The following STK24 variants were observed in gnomAD, a reference collection of about 807,000 sequenced individuals.
The protein encoded by STK24 is serine/threonine-protein kinase 24.
STK24 carries 21 observed loss-of-function variants against 55.6 expected under a neutral mutation model. The observed-to-expected ratio is 0.38, with a 90% CI of 0.27 to 0.54. The LOEUF (loss-of-function observed/expected upper bound fraction) is 0.54, where lower values mean the gene tolerates loss of function less well. Ranked by LOEUF, STK24 falls within the 20% of genes least tolerant of loss-of-function variation. The probability of loss-of-function intolerance (pLI) is 0.79; values close to 1 mark genes in which losing one functional copy is unlikely to be tolerated. For synonymous variants in STK24, 200 were observed against 215.2 expected (o/e 0.93, Z 0.62); for missense variants, 383 against 538.4 (o/e 0.71, Z 2.86).
rs1165167903 is a variant in STK24 at position 98,576,733 on chromosome 13, G to A, written c.42+12C>T. ...GTCGCGCATCCCGGCCCCGCGGCCC[G>A]CGCCCGCCTACCTGCATGCCGGGCA... On this transcript the variant is annotated intron_variant, in intron 1 of 10. Coordinates refer to ENST00000539966, the MANE Select transcript of STK24 (RefSeq NM_001032296.4). 3.0e-5 allele frequency: 44 copies of A among 1,458,450 alleles called. No individual in the cohort carries two copies. The highest frequency in any genetic ancestry group is 4.7e-4 in the Middle Eastern group (2 of 4,284). The allele number at this position is 1,458,450 out of a possible 1,614,324, so 90.3% of individuals were successfully genotyped here.
In STK24 at chr13:98,474,989, A is replaced by C; in HGVS notation, c.440-11T>G. On this transcript the variant is annotated splice_polypyrimidine_tract_variant and intron_variant, in intron 4 of 10. Transcript: ENST00000539966. ...GCAGGACGTTGGCCGCTGCAAAAGA[A>C]AGCCAAGGCGGCCCTGGGCGGTGCG... The C allele has an allele frequency of 2.5e-6, 4 of 1,605,886 alleles. No individual in the cohort carries two copies. The highest frequency in any genetic ancestry group is 3.4e-6 in the Non-Finnish European group (4 of 1,176,172).
In STK24 at chr13:98,446,069, T is replaced by C; in HGVS notation, c.*7104A>G. On this transcript the variant is annotated 3_prime_UTR_variant, in exon 11 of 11. Coordinates refer to ENST00000539966, the MANE Select transcript of STK24 (RefSeq NM_001032296.4). ...GCCCTCCTGGGGCAGGTGCCCGCTG[T>C]GCTTCTCACAGGCCTCCTTGCCTTT... 4 of 1,506,076 alleles carry C rather than the reference T, an allele frequency of 2.7e-6. No homozygotes were observed. Among genetic ancestry groups the C allele is most frequent in the Non-Finnish European group, 3.7e-6 (4 of 1,081,920 alleles). The allele number at this position is 1,506,076 out of a possible 1,614,324, so 93.3% of individuals were successfully genotyped here. A position where few individuals can be genotyped will look rare whatever the true frequency, so the allele number is the denominator to read the frequency against.
intron 1 of STK24, among the ~76,000 whole-genome samples, chr13:98,557,374 T>C (rs1225230827): frequency 1.3e-5 from 2 of 152,240 alleles, no homozygotes. Flanking sequence ...TCTTCCATGC[T>C]AGTCATCAGC....
rs146044806 is a variant in STK24, at chr13:98,452,720, G to A, written c.*453C>T. 1.0e-3 allele frequency: 160 copies of A among 156,366 alleles called. 1 individual carries two copies. The Middle Eastern group carries it at 0.023, about 23-fold the overall frequency. The allele number at this position is 156,366 out of a possible 1,614,324, so 9.7% of individuals were successfully genotyped here. ...CCTTATGCACGCCGAAAGGGTTTCC[G>A]TAAAAATGACATTATATACAAATCT... On this transcript the variant is annotated 3_prime_UTR_variant, in exon 11 of 11. Coordinates refer to ENST00000539966, the MANE Select transcript of STK24 (RefSeq NM_001032296.4).
At chr13:98,576,641 G>A in intron 1 of STK24, 104 bp downstream of exon 1, 1 of 1,021,806 alleles carries the variant, frequency 9.8e-7, no homozygotes, top group Non-Finnish European at 1.3e-6. Flanking sequence ...AGGCTCCGGC[G>A]CGACCCCGGC....
chr13:98,455,490 C>G (rs1226514456), intron 10 of STK24: 2 of 152,270 alleles, frequency 1.3e-5, no homozygotes, highest in Non-Finnish European at 2.9e-5. Flanking sequence ...ATCCTCCTGC[C>G]TGGGCCTCCC....
chr13:98,507,756 GTCTCCAGA>G (rs1431216956), intron 2 of STK24, among the ~76,000 whole-genome samples: 1 of 152,194 alleles, frequency 6.6e-6, no homozygotes, highest in African/African-American at 2.4e-5. Flanking sequence ...AGGTCTCCAG[GTCTCCAGA>G]TCTCCAGAGC....
chr13:98,552,242 A>T (rs1566401418), intron 1 of STK24, among the ~76,000 whole-genome samples: 2 of 152,192 alleles, frequency 1.3e-5, no homozygotes, highest in African/African-American at 2.4e-5. Flanking sequence ...AGGGAGAGGC[A>T]CTATGGGGTA....
intron 1 of STK24, among the ~76,000 whole-genome samples, chr13:98,572,224 C>A (rs1305704860): frequency 6.6e-6 from 1 of 152,160 alleles, no homozygotes; most frequent in African/African-American, 2.4e-5. Context: ...TCCAACGACT[C>A]CGGGCACTAT....
rs191397731 is a variant in STK24 at position 98,559,218 on chromosome 13, G to A, written c.42+17527C>T. 2.1e-3 allele frequency among the ~76,000 whole-genome samples: 319 copies of A among 152,052 alleles called. 3 individuals are homozygous for A. The highest frequency in any genetic ancestry group is 7.3e-3 in the African/African-American group (303 of 41,466). On this transcript the variant is annotated intron_variant, in intron 1 of 10. Coordinates refer to ENST00000539966, the MANE Select transcript of STK24 (RefSeq NM_001032296.4). Reference sequence around the variant, plus strand: ...TATTAATATATCCCTGATATGGTTTGGCTGTGTCCCCACCCAAACCTCATC... The same window carrying A: ...TATTAATATATCCCTGATATGGTTTAGCTGTGTCCCCACCCAAACCTCATC...
At chr13:98,461,573 C>G (rs769648328) in intron 8 of STK24, among the ~76,000 whole-genome samples, 1 of 152,140 alleles carries the variant, frequency 6.6e-6, no homozygotes, top group Non-Finnish European at 1.5e-5. Context: ...CAAAACAGAC[C>G]AGAGGCCAGA....
At chr13:98,466,168 T>A (rs1830290089) in intron 6 of STK24, among the ~76,000 whole-genome samples, 1 of 152,160 alleles carries the variant, frequency 6.6e-6, no homozygotes, top group Non-Finnish European at 1.5e-5. Flanking sequence ...ATGGCAGAAA[T>A]CTAAAAGAAA....
chr13:98,550,462 G>A (rs571291131), intron 1 of STK24, among the ~76,000 whole-genome samples: 19 of 152,328 alleles, frequency 1.2e-4, no homozygotes, highest in Non-Finnish European at 1.8e-4. Context: ...CTGGGAGGTA[G>A]AGGCTACAGT....
In STK24 at chr13:98,451,513, T is replaced by G. The variant is rs1385307522; in HGVS notation, c.*1660A>C. On this transcript the variant is annotated 3_prime_UTR_variant, in exon 11 of 11. Coordinates refer to ENST00000539966, the MANE Select transcript of STK24 (RefSeq NM_001032296.4). ...AATAAAATACCTCAATTTTAGAGCT[T>G]AAAAACCAGACTGCACTAGCAAACC... The G allele has an allele frequency of 6.6e-6, 1 of 152,134 alleles. No individual in the cohort carries two copies. Among genetic ancestry groups the G allele is most frequent in the African/African-American group, 2.4e-5 (1 of 41,424 alleles). 9.4% of individuals were successfully genotyped at this position (152,134 alleles called of 1,614,324 possible). A position where few individuals can be genotyped will look rare whatever the true frequency, so the allele number is the denominator to read the frequency against.
intron 1 of STK24, among the ~76,000 whole-genome samples, chr13:98,550,593 C>T (rs1336534184): frequency 1.3e-5 from 2 of 152,178 alleles, no homozygotes; most frequent in Non-Finnish European, 2.9e-5. Context: ...TCTCTAAAGA[C>T]AAACCATCAG....
intron 1 of STK24, among the ~76,000 whole-genome samples, chr13:98,560,179 A>G (rs1448381823): frequency 6.6e-6 from 1 of 152,200 alleles, no homozygotes; most frequent in Non-Finnish European, 1.5e-5. Flanking sequence ...CAACAGGCAG[A>G]CACCTCCCCT....
Position 98,535,336 on chromosome 13 carries a change from TCAAA to T in STK24, c.43-15867_43-15864del, listed in dbSNP as rs1205515223. On this transcript the variant is annotated intron_variant, in intron 1 of 10. Coordinates refer to ENST00000539966, the MANE Select transcript of STK24 (RefSeq NM_001032296.4). ...TGGGCAACAAGAGCGAAACTCTGTC[TCAAA>T]CAAACAAACAAACAAACAAACAAAA... Among the ~76,000 whole-genome samples, 815 of 106,288 alleles carry T rather than the reference TCAAA, an allele frequency of 7.7e-3. 14 individuals carry two copies. The highest frequency in any genetic ancestry group is 0.029 in the African/African-American group (769 of 26,862). The allele number at this position is 106,288 out of a possible 152,430, so 69.7% of individuals were successfully genotyped here.
At position 98,453,126 on chromosome 13, in the gene STK24, TGAA is replaced by T. The variant is rs1566338705; in HGVS notation, c.*44_*46del. ...GTTGACTTTTAAAAAAGGAGGAGGA[TGAA>T]GAAGGAAAAAAGGAAAAACAAAACC... is the stretch of plus-strand genomic sequence containing the variant. On this transcript the variant is annotated 3_prime_UTR_variant, in exon 11 of 11. Transcript: ENST00000539966. The T allele has an allele frequency of 3.7e-6, 6 of 1,606,190 alleles. No individual in the cohort carries two copies. The South Asian group carries it at 5.5e-5, about 15-fold the overall frequency.
intron 1 of STK24, among the ~76,000 whole-genome samples, chr13:98,545,141 G>A (rs2139426060): frequency 6.6e-6 from 1 of 152,288 alleles, no homozygotes; most frequent in East Asian, 1.9e-4. Context: ...TTAATGACAG[G>A]AATTGGTGCC....
Sources: gnomAD v4.1 joint callset for allele counts (sites outside exome capture counted in the v4.1 genomes callset) on GRCh38, gnomAD v4.1.1 for gene constraint, MANE v1.5 for transcripts, NCBI Gene and HGNC (gene_info 2026-07-23, HGNC 2026-07-21) for gene names.